The following STOX2 variants were observed in gnomAD, a reference collection of about 807,000 sequenced individuals.
STOX2 encodes storkhead box 2.
STOX2 carries 28 observed loss-of-function variants against 60.9 expected under a neutral mutation model. The ratio of observed to expected loss-of-function variants is 0.46; its 90% CI spans 0.34 to 0.63. The LOEUF (loss-of-function observed/expected upper bound fraction) is 0.63. Ranked by LOEUF, STOX2 falls within the 30% of genes least tolerant of loss-of-function variation. The pLI, the probability that STOX2 is intolerant of heterozygous loss-of-function variation, is 0.01. For synonymous variants in STOX2, 472 were observed against 463.9 expected (o/e 1.02, Z -0.22); for missense variants, 1,024 against 1,187.7 (o/e 0.86, Z 2.03).
intron 1 of STOX2, among the ~76,000 whole-genome samples, chr4:183,934,427 A>G (rs1214344735): frequency 6.6e-6 from 1 of 152,234 alleles, no homozygotes; most frequent in East Asian, 1.9e-4. Flanking sequence ...GAAATGGAGA[A>G]TTATTCAAGC....
chr4:183,851,213 G>C lies in STOX2; in HGVS notation c.364+53158G>C, dbSNP rs543585609. ...AAAAGAATGAGAGAAACGATGGAAA[G>C]GATGAGAGAAACGATGAGGGAAAGG... is the stretch of plus-strand genomic sequence containing the variant. On this transcript the variant is annotated intron_variant, in intron 1 of 2. Coordinates refer to the STOX2 transcript ENST00000513034. 3.1e-5 allele frequency among the ~76,000 whole-genome samples: 2 copies of C among 63,578 alleles called. 1 individual carries two copies. The highest frequency in any genetic ancestry group is 0.022 in the Middle Eastern group (2 of 90). The allele number at this position is 63,578 out of a possible 152,430, so 41.7% of individuals were successfully genotyped here.
chr4:183,853,640 G>A (rs145685154), intron 1 of STOX2: 6 of 152,268 alleles, frequency 3.9e-5, no homozygotes, highest in African/African-American at 1.2e-4. Context: ...CAGGAAACTC[G>A]AAATAGTGAA....
rs563715916 is a variant in STOX2 at position 183,895,094 on chromosome 4, G to A, written c.364+97039G>A. ...GAGTGAGGCAGGAGAGTACAATCGC[G>A]GACTAGGATGTCAAGAATGGAATGC... On this transcript the variant is annotated intron_variant, in intron 1 of 2. Transcript: ENST00000513034. Among the ~76,000 whole-genome samples the A allele has an allele frequency of 1.7e-4, 26 of 152,234 alleles. No homozygotes were observed. The South Asian group carries it at 3.1e-3, about 18-fold the overall frequency.
chr4:183,889,657 G>A (rs1380865964), intron 1 of STOX2, among the ~76,000 whole-genome samples: 1 of 152,228 alleles, frequency 6.6e-6, no homozygotes, highest in Non-Finnish European at 1.5e-5. Flanking sequence ...CAGCAACTTC[G>A]AGTCAGAGGG....
intron 1 of STOX2, among the ~76,000 whole-genome samples, chr4:183,932,432 T>C (rs1742463821): frequency 1.0e-5 from 1 of 97,244 alleles, no homozygotes; most frequent in South Asian, 4.1e-4. Context: ...TATATGTATG[T>C]ATACATACAG....
chr4:183,822,966 T>C (rs1031631148), intron 1 of STOX2, among the ~76,000 whole-genome samples: 1 of 152,240 alleles, frequency 6.6e-6, no homozygotes, highest in African/African-American at 2.4e-5. Context: ...ATGGCTCTCC[T>C]AGCCTTCCTG....
chr4:183,984,846 A>G lies in STOX2; in HGVS notation c.167-16479A>G, dbSNP rs567251901. Among the ~76,000 whole-genome samples, 19 of 152,332 alleles carry G rather than the reference A, an allele frequency of 1.2e-4. 1 individual carries two copies. In the South Asian group the frequency reaches 3.9e-3, roughly 32 times the overall value. On this transcript the variant is annotated intron_variant, in intron 1 of 3. Transcript: ENST00000308497. ...ACCGAAGCTGTTATCCAAAGATGTA[A>G]GAGGCACGGGGCCAGGAGGAGGACT... is the stretch of plus-strand genomic sequence containing the variant.
chr4:183,994,733 C>CT (rs980205756), intron 1 of STOX2, among the ~76,000 whole-genome samples: 3 of 152,102 alleles, frequency 2.0e-5, no homozygotes, highest in Non-Finnish European at 4.4e-5. Flanking sequence ...CTCTTGAATG[C>CT]TTTTTTTATA....
chr4:183,980,365 T>G lies in STOX2; in HGVS notation c.167-20960T>G, dbSNP rs539301051. ...CGAATATTGGATTGTTTTTGCGTGCTGAAAATAACTATACTTTCACCAGGC... is the reference window on the plus strand; with the variant it reads ...CGAATATTGGATTGTTTTTGCGTGCGGAAAATAACTATACTTTCACCAGGC... On this transcript the variant is annotated intron_variant, in intron 1 of 3. Coordinates refer to ENST00000308497, the MANE Select transcript of STOX2 (RefSeq NM_020225.3). 2.0e-5 allele frequency among the ~76,000 whole-genome samples: 3 copies of G among 152,348 alleles called. No homozygotes were observed. The East Asian group carries it at 5.8e-4, about 29-fold the overall frequency.
At chr4:183,851,409 G>C (rs1383635131) in intron 1 of STOX2, among the ~76,000 whole-genome samples, 5 of 91,214 alleles carry the variant, frequency 5.5e-5, no homozygotes, top group African/African-American at 2.3e-4. Context: ...GAGGATGAGA[G>C]AAAGGATGAG....
At chr4:183,893,109 CT>C (rs11347203) in intron 1 of STOX2, among the ~76,000 whole-genome samples, 44,074 of 145,642 alleles carry the variant, frequency 0.3, 7,603 homozygotes, top group African/African-American at 0.47. Context: ...GTCCAACTTT[CT>C]TTTTTTTTTT....
intron 1 of STOX2, among the ~76,000 whole-genome samples, chr4:183,993,087 A>T (rs973128233): frequency 1.3e-5 from 2 of 152,242 alleles, no homozygotes; most frequent in Non-Finnish European, 2.9e-5. Flanking sequence ...GCGGTGGGGA[A>T]GGTGGCTCTT....
Position 184,018,647 on chromosome 4 carries a change from A to G in STOX2, c.*1363A>G, listed in dbSNP as rs2111265484. 1 of 152,348 alleles carries G rather than the reference A, an allele frequency of 6.6e-6. No homozygotes were observed. Among genetic ancestry groups the G allele is most frequent in the Middle Eastern group, 3.4e-3 (1 of 294 alleles). 9.4% of individuals were successfully genotyped at this position (152,348 alleles called of 1,614,324 possible). On this transcript the variant is annotated 3_prime_UTR_variant, in exon 4 of 4. Transcript: ENST00000308497. ...AGCTGGATGTGTAGTTAATTAGACCAACTTATTTCCAAATGGTTTGTTAAC... is the reference window on the plus strand; with the variant it reads ...AGCTGGATGTGTAGTTAATTAGACCGACTTATTTCCAAATGGTTTGTTAAC...
chr4:183,814,362 A>G (rs997777682), intron 1 of STOX2, among the ~76,000 whole-genome samples: 2 of 152,216 alleles, frequency 1.3e-5, no homozygotes, highest in Non-Finnish European at 2.9e-5. Flanking sequence ...ATTACTGTAT[A>G]TTGAGTAATT....
chr4:183,992,659 T>C (rs1436638993), intron 1 of STOX2, among the ~76,000 whole-genome samples: 1 of 152,270 alleles, frequency 6.6e-6, no homozygotes, highest in African/African-American at 2.4e-5. Flanking sequence ...TGTTATCATC[T>C]AGGACTGGTA....
Position 184,001,329 on chromosome 4 carries a change from T to C in STOX2, c.171T>C (p.Asp57=), listed in dbSNP as rs549003607. 6.2e-7 allele frequency: 1 copy of C among 1,613,728 alleles called. No individual in the cohort carries two copies. Among genetic ancestry groups the C allele is most frequent in the Non-Finnish European group, 8.5e-7 (1 of 1,179,786 alleles). Residue 57 remains aspartate, a synonymous_variant, in exon 2 of 4, where the codon GAT becomes GAC. Coordinates refer to ENST00000308497, the MANE Select transcript of STOX2 (RefSeq NM_020225.3). This position sits in a 1 kb window ranked among gnomAD's most constrained non-coding sequence, Gnocchi z 4.2. Reference sequence around the variant, plus strand: ...TTGAAAATTGTCTTTCTGCAGGTGATGTATCACCCATCAGTATGTCTCCCA... The same window carrying C: ...TTGAAAATTGTCTTTCTGCAGGTGACGTATCACCCATCAGTATGTCTCCCA... ...QASRGYMTSG[D]VSPISMSPIS... is the part of the protein sequence containing the mutation.
At chr4:183,852,894 C>A (rs1031408937) in intron 1 of STOX2, among the ~76,000 whole-genome samples, 4 of 152,138 alleles carry the variant, frequency 2.6e-5, no homozygotes, top group Non-Finnish European at 4.4e-5. Flanking sequence ...TGGGTGTCAA[C>A]TGCTTTTTCA....
chr4:183,903,367 C>A (rs1417255381), upstream of STOX2, among the ~76,000 whole-genome samples: 2 of 152,300 alleles, frequency 1.3e-5, no homozygotes, highest in East Asian at 3.9e-4. Context: ...AACACCATCT[C>A]CCCCACTCTT....
chr4:183,872,872 C>T (rs941477802), intron 1 of STOX2, among the ~76,000 whole-genome samples: 2 of 151,984 alleles, frequency 1.3e-5, no homozygotes, highest in African/African-American at 4.8e-5. Flanking sequence ...TGAGATTAGT[C>T]CGTCATCTTT....
Sources: allele counts gnomAD v4.1 joint callset (sites outside exome capture counted in the v4.1 genomes callset), GRCh38; gene constraint gnomAD v4.1.1; non-coding constraint Gnocchi (gnomAD v3.1); transcripts MANE v1.5; gene names NCBI Gene and HGNC (gene_info 2026-07-23, HGNC 2026-07-21).